The following NRXN2 variants were observed in gnomAD, a reference collection of about 807,000 sequenced individuals.
NRXN2 encodes neurexin-2-beta.
A neutral mutation model predicts 128.8 loss-of-function variants in NRXN2; 29 were observed. The observed-to-expected ratio is 0.23, with a 90% CI of 0.17 to 0.31. The LOEUF is 0.31. Ranked by LOEUF, NRXN2 falls within the 10% of genes least tolerant of loss-of-function variation. The pLI, the probability that NRXN2 is intolerant of heterozygous loss-of-function variation, is 1.00. For synonymous variants in NRXN2, 1,098 were observed against 1,075.2 expected, an observed-to-expected ratio of 1.02 and a Z score of -0.41; for missense variants, 1,881 against 2,452.6, an observed-to-expected ratio of 0.77 and a Z score of 4.92.
intron 2 of NRXN2, among the ~76,000 whole-genome samples, chr11:64,701,116 G>A (rs1450714540): frequency 6.6e-6 from 1 of 152,146 alleles, no homozygotes; most frequent in Non-Finnish European, 1.5e-5. Context: ...AATAAGCCTA[G>A]GAGATGATGC....
intron 19 of NRXN2, among the ~76,000 whole-genome samples, chr11:64,629,179 T>G (rs564170691): frequency 6.6e-6 from 1 of 152,342 alleles, no homozygotes; most frequent in Admixed American, 6.5e-5. Flanking sequence ...TGCCTCAGCC[T>G]GGCTATCTCT....
In NRXN2 at chr11:64,660,422, C is replaced by T; in HGVS notation, c.2299G>A (p.Gly767Arg). The T allele has an allele frequency of 6.2e-7, 1 of 1,614,180 alleles. No homozygotes were observed. Among genetic ancestry groups the T allele is most frequent in the East Asian group, 2.2e-5 (1 of 44,868 alleles). The change falls in exon 11 of 23, where the codon GGA (glycine) becomes AGA (arginine). Residue 767 changes from glycine (G) to arginine (R), a missense_variant. This residue lies in a region of NRXN2 where 997 missense variants were observed against 1,240.8 expected (regional missense o/e 0.80). Transcript: ENST00000265459. The surrounding 1 kb of genome is among the most constrained non-coding windows in gnomAD (Gnocchi z 5.2). ...CTGGAAGTGGTGGCCATCATGAGTC[C>T]GTAGGCCCGCTGGGACATGAAACGC... ...SLRFMSQRAY[G>R]LMMATTSRES...
chr11:64,644,122 T>C (rs993178082), intron 17 of NRXN2, among the ~76,000 whole-genome samples: 2 of 151,972 alleles, frequency 1.3e-5, no homozygotes, highest in East Asian at 1.9e-4. Context: ...CATATACACA[T>C]GCTCACAGGG....
chr11:64,660,502 T>C lies in NRXN2; in HGVS notation c.2219A>G (p.Tyr740Cys). 1 of 1,614,160 alleles carries C rather than the reference T, an allele frequency of 6.2e-7. No homozygotes were observed. Among genetic ancestry groups the C allele is most frequent in the Non-Finnish European group, 8.5e-7 (1 of 1,180,024 alleles). The change falls in exon 11 of 23, where the codon TAC becomes TGC. Residue 740 changes from tyrosine to cysteine, a missense_variant. Physicochemically the swap from Tyr to Cys is radical, Grantham distance 194. Coordinates refer to ENST00000265459, the MANE Select transcript of NRXN2 (RefSeq NM_015080.4). The surrounding 1 kb of genome is among the most constrained non-coding windows in gnomAD (Gnocchi z 5.2). Reference sequence around the variant, plus strand: ...GGCGTTAGGCAGCATGATCTTCATGTACATGGAGCCATCGTAGCTCAGGAC... The same window carrying C: ...GGCGTTAGGCAGCATGATCTTCATGCACATGGAGCCATCGTAGCTCAGGAC... Reference protein sequence around the residue: ...ATVLSYDGSMYMKIMLPNAMH... With the variant: ...ATVLSYDGSMCMKIMLPNAMH...
At chr11:64,633,833 C>T (rs1296615596) in intron 18 of NRXN2, among the ~76,000 whole-genome samples, 3 of 152,068 alleles carry the variant, frequency 2.0e-5, no homozygotes, top group Admixed American at 6.5e-5. Context: ...CTGCCTGTCC[C>T]GCTGACACAG....
At chr11:64,703,025 G>T (rs1024740487) in intron 2 of NRXN2, among the ~76,000 whole-genome samples, 4 of 148,736 alleles carry the variant, frequency 2.7e-5, no homozygotes, top group Non-Finnish European at 4.5e-5. Context: ...AAAGATCCAG[G>T]TCAATACACA....
At chr11:64,695,614 A>G (rs767315116) in intron 3 of NRXN2, among the ~76,000 whole-genome samples, 4 of 152,008 alleles carry the variant, frequency 2.6e-5, no homozygotes, top group Non-Finnish European at 5.9e-5. Context: ...GAGAACCACC[A>G]TCGAAATAAA....
intron 2 of NRXN2, among the ~76,000 whole-genome samples, chr11:64,703,867 C>A (rs1400115427): frequency 6.6e-6 from 1 of 152,148 alleles, no homozygotes; most frequent in Admixed American, 6.5e-5. Context: ...GTTCTTACAA[C>A]GATATTACTT....
rs138291758 is a variant in NRXN2 at position 64,660,440 on chromosome 11, T to A, written c.2281A>T (p.Met761Leu). The stretch of plus-strand genomic sequence containing the variant: ...ATGAGTCCGTAGGCCCGCTGGGACA[T>A]GAAACGCAGGGACACATCCTCTGCC... ...TEAEDVSLRF[M>L]SQRAYGLMMA... is the part of the protein sequence containing the mutation. Residue 761 changes from methionine to leucine, a missense_variant, in exon 11 of 23, where the codon ATG becomes TTG. Around this residue, in one of 7 missense-constraint regions of NRXN2, gnomAD observed 997 missense variants for 1,240.8 expected, o/e 0.80. Transcript: ENST00000265459. This position sits in a 1 kb window ranked among gnomAD's most constrained non-coding sequence, Gnocchi z 5.2. The A allele has an allele frequency of 1.6e-4, 253 of 1,614,136 alleles. No individual in the cohort carries two copies. The highest frequency in any genetic ancestry group is 2.0e-4 in the Non-Finnish European group (239 of 1,180,022).
intron 14 of NRXN2, 50 bp from the exon 15 acceptor site, chr11:64,650,688 G>GGT: frequency 6.4e-7 from 1 of 1,568,854 alleles, no homozygotes; most frequent in Non-Finnish European, 8.8e-7. Context: ...GGTGATGCTG[G>GGT]GAAGGTGGGG....
At chr11:64,666,831 G>A (rs2049938914) in intron 9 of NRXN2, among the ~76,000 whole-genome samples, 2 of 152,160 alleles carry the variant, frequency 1.3e-5, no homozygotes, top group Admixed American at 1.3e-4. Context: ...CCAAAGTGCT[G>A]GGATTACAGG....
intron 6 of NRXN2, among the ~76,000 whole-genome samples, chr11:64,680,894 C>T (rs1293147952): frequency 1.3e-5 from 2 of 151,856 alleles, no homozygotes; most frequent in African/African-American, 2.4e-5. Context: ...GTCAACAGTT[C>T]AAGACCAGCC....
intron 17 of NRXN2, among the ~76,000 whole-genome samples, chr11:64,636,515 T>G (rs373777973): frequency 1.3e-5 from 2 of 152,192 alleles, no homozygotes; most frequent in South Asian, 4.1e-4. Flanking sequence ...AGAACAATCT[T>G]GCATTCTTTA....
At position 64,651,114 on chromosome 11, in the gene NRXN2, C is replaced by T. The variant is rs139449221; in HGVS notation, c.2918+141G>A. 1.0e-5 allele frequency: 12 copies of T among 1,163,652 alleles called. No homozygotes were observed. The highest frequency in any genetic ancestry group is 5.7e-4 in the Middle Eastern group (2 of 3,502). 72.1% of individuals were successfully genotyped at this position (1,163,652 alleles called of 1,614,324 possible). A position where few individuals can be genotyped will look rare whatever the true frequency, so the allele number is the denominator to read the frequency against. On this transcript the variant is annotated intron_variant, in intron 14 of 22. Transcript: ENST00000265459. This position sits in a 1 kb window ranked among gnomAD's most constrained non-coding sequence, Gnocchi z 5.9. The stretch of plus-strand genomic sequence containing the variant: ...CATCTTGGCTGAAGAGGGAGCCTCT[C>T]GACTTACGGTCGGGGACCTGAATCT...
intron 7 of NRXN2, among the ~76,000 whole-genome samples, chr11:64,674,152 C>G (rs998963463): frequency 6.6e-6 from 1 of 151,754 alleles, no homozygotes; most frequent in Non-Finnish European, 1.5e-5. Flanking sequence ...GCTGAAATTA[C>G]TGGTGCATAG....
rs545372448 is a variant in NRXN2 at position 64,709,877 on chromosome 11, G to A, written c.730+3093C>T. On this transcript the variant is annotated intron_variant, in intron 2 of 22. Coordinates refer to ENST00000265459, the MANE Select transcript of NRXN2 (RefSeq NM_015080.4). ...ACCCTGCCCCTACCAGCTGGCGCCC[G>A]CCTTATATCTCACTTTCCCTTTTCT... Among the ~76,000 whole-genome samples the A allele has an allele frequency of 2.7e-3, 398 of 149,024 alleles. 1 individual carries two copies. The highest frequency in any genetic ancestry group is 4.1e-3 in the Non-Finnish European group (279 of 67,512).
chr11:64,677,069 G>A (rs2051433186), intron 6 of NRXN2, 32 bp from the exon 7 acceptor site: 2 of 1,376,378 alleles, frequency 1.5e-6, no homozygotes, highest in Non-Finnish European at 2.0e-6. Context: ...ATGGGGAGGA[G>A]GGGGGTGTCA....
chr11:64,690,844 G>A (rs1264634772), intron 4 of NRXN2, among the ~76,000 whole-genome samples: 2 of 151,968 alleles, frequency 1.3e-5, no homozygotes, highest in South Asian at 2.1e-4. Flanking sequence ...TCAACTGCTC[G>A]CTCATTCTCC....
At position 64,713,557 on chromosome 11, in the gene NRXN2, G is replaced by C. The variant is rs748751882; in HGVS notation, c.143C>G (p.Ala48Gly). ...WARYARWAGA[A>G]SSGELSFSLR... ...GCTGAAGCTGAGCTCGCCGCTGCTC[G>C]CCGCGCCCGCCCAGCGCGCGTAGCG... Residue 48 changes from alanine to glycine, a missense_variant, in exon 2 of 23, where the codon GCG (alanine) becomes GGG (glycine). Ala to Gly is a moderately conservative substitution (Grantham distance 60). Transcript: ENST00000265459. 7.0e-7 allele frequency: 1 copy of C among 1,426,110 alleles called. No individual in the cohort carries two copies. The highest frequency in any genetic ancestry group is 1.5e-5 in the African/African-American group (1 of 67,760). 88.3% of individuals were successfully genotyped at this position (1,426,110 alleles called of 1,614,324 possible).
Sources: allele counts gnomAD v4.1 joint callset (sites outside exome capture counted in the v4.1 genomes callset), GRCh38; gene constraint gnomAD v4.1.1; regional missense constraint gnomAD v4.1.1; non-coding constraint Gnocchi (gnomAD v3.1); transcripts MANE v1.5; gene names NCBI Gene and HGNC (gene_info 2026-07-23, HGNC 2026-07-21).